Variants in LTBP1 observed in about 807,000 individuals in gnomAD.
LTBP1 encodes the protein latent-transforming growth factor beta-binding protein 1.
A neutral mutation model predicts 207.6 loss-of-function variants in LTBP1; 129 were observed. That is an observed-to-expected ratio of 0.62 (90% CI 0.54 to 0.72). LTBP1 has a LOEUF of 0.72. LTBP1 is among the 30% of genes least tolerant of loss of function. LTBP1 has a pLI of 0.00. For synonymous variants in LTBP1, 963 were observed against 833.7 expected (o/e 1.16, Z -2.67); for missense variants, 2,281 against 2,217.2 (o/e 1.03, Z -0.58).
intron 5 of LTBP1, among the ~76,000 whole-genome samples, chr2:33,158,698 G>T (rs1385300466): frequency 6.6e-6 from 1 of 152,310 alleles, no homozygotes; most frequent in South Asian, 2.1e-4. Context: ...TGATTCATAT[G>T]TATTACCCAG....
intron 31 of LTBP1, among the ~76,000 whole-genome samples, chr2:33,387,624 G>T (rs185550330): frequency 2.0e-5 from 3 of 152,134 alleles, no homozygotes; most frequent in Non-Finnish European, 4.4e-5. Context: ...GTGTGTGCAC[G>T]TGTGCACATG....
chr2:32,974,985 CT>C (rs1359441709), intron 2 of LTBP1, among the ~76,000 whole-genome samples: 3 of 152,174 alleles, frequency 2.0e-5, no homozygotes, highest in Non-Finnish European at 4.4e-5. Context: ...AGTCTGTGTA[CT>C]TAAGTGTGTT....
chr2:33,247,320 A>C (rs1053138344), intron 10 of LTBP1, among the ~76,000 whole-genome samples: 20 of 152,226 alleles, frequency 1.3e-4, no homozygotes, highest in African/African-American at 4.8e-4. Flanking sequence ...TGCTTATCTT[A>C]TACATTGGGA....
intron 9 of LTBP1, among the ~76,000 whole-genome samples, chr2:33,225,355 C>G (rs191657404): frequency 6.6e-6 from 1 of 152,326 alleles, no homozygotes; most frequent in African/African-American, 2.4e-5. Flanking sequence ...CGTTTTCACA[C>G]TGCTGAAAAA....
chr2:33,071,172 C>T (rs565640771), intron 3 of LTBP1, among the ~76,000 whole-genome samples: 2 of 152,242 alleles, frequency 1.3e-5, no homozygotes, highest in African/African-American at 4.8e-5. Context: ...AAGAGTGAGT[C>T]GTTCAGGCCA....
intron 7 of LTBP1, 53 bp from the exon 8 acceptor site, chr2:33,217,499 G>T: frequency 7.9e-7 from 1 of 1,260,804 alleles, no homozygotes; most frequent in South Asian, 1.2e-5. Flanking sequence ...GTGCTCTGGG[G>T]CTGGGCATCC....
chr2:33,196,003 G>T (rs949339056), intron 7 of LTBP1, among the ~76,000 whole-genome samples: 4 of 152,184 alleles, frequency 2.6e-5, no homozygotes, highest in African/African-American at 9.7e-5. Context: ...GCAATAAAGT[G>T]TTTTAAAATT....
chr2:33,296,667 A>G (rs1001315144), intron 20 of LTBP1, among the ~76,000 whole-genome samples: 3 of 152,200 alleles, frequency 2.0e-5, no homozygotes, highest in Non-Finnish European at 4.4e-5. Context: ...AGACAAGACA[A>G]CTAACAGCAA....
At chr2:33,127,947 T>A (rs186053656) in intron 4 of LTBP1, among the ~76,000 whole-genome samples, 1 of 152,234 alleles carries the variant, frequency 6.6e-6, no homozygotes, top group Admixed American at 6.5e-5. Context: ...CGAGGCTAGG[T>A]TGGACCTAGG....
intron 31 of LTBP1, among the ~76,000 whole-genome samples, chr2:33,374,674 G>T (rs1331344981): frequency 6.6e-6 from 1 of 152,282 alleles, no homozygotes; most frequent in Non-Finnish European, 1.5e-5. Context: ...AGGACTCTTG[G>T]CCCGGCACAG....
chr2:32,994,090 C>G (rs112201181), intron 2 of LTBP1, among the ~76,000 whole-genome samples: 86 of 151,912 alleles, frequency 5.7e-4, no homozygotes, highest in African/African-American at 2.0e-3. Flanking sequence ...TTGTAGTGCC[C>G]TCGTCATTTA....
intron 32 of LTBP1, among the ~76,000 whole-genome samples, chr2:33,391,745 T>G (rs1213802204): frequency 6.6e-6 from 1 of 152,242 alleles, no homozygotes; most frequent in Non-Finnish European, 1.5e-5. Flanking sequence ...GGAATTTTCA[T>G]GTTGAAATGT....
At chr2:33,240,954 A>G (rs2092300679) in intron 9 of LTBP1, among the ~76,000 whole-genome samples, 1 of 152,086 alleles carries the variant, frequency 6.6e-6, no homozygotes, top group African/African-American at 2.4e-5. Flanking sequence ...CCGGCCAGAA[A>G]CGTTCTTAAT....
chr2:33,102,850 T>C (rs1305620070), intron 3 of LTBP1, among the ~76,000 whole-genome samples: 1 of 152,216 alleles, frequency 6.6e-6, no homozygotes, highest in African/African-American at 2.4e-5. Flanking sequence ...CTGTATGCTG[T>C]ATGCACTGTC....
intron 3 of LTBP1, 123 bp downstream of exon 3, chr2:33,021,329 C>A: frequency 2.1e-6 from 2 of 939,692 alleles, no homozygotes; most frequent in Non-Finnish European, 3.1e-6. Flanking sequence ...TAATGTTTTT[C>A]TTTCCTTTCT....
rs187652671 is a variant in LTBP1, at chr2:33,368,776, T to C, written c.4711+3273T>C. ...CCTGTAGTCCTAGCTACTTGGGAGG[T>C]TGAGGTGGGAGGATGGCTTCAGCCC... On this transcript the variant is annotated intron_variant, in intron 31 of 33. Coordinates refer to ENST00000404816, the MANE Select transcript of LTBP1 (RefSeq NM_206943.4). Among the ~76,000 whole-genome samples, 334 of 151,206 alleles carry C rather than the reference T, an allele frequency of 2.2e-3. 2 individuals carry two copies. The highest frequency in any genetic ancestry group is 7.8e-3 in the African/African-American group (322 of 41,150).
intron 7 of LTBP1, among the ~76,000 whole-genome samples, chr2:33,210,830 C>T (rs978557189): frequency 4.6e-5 from 7 of 152,192 alleles, no homozygotes; most frequent in African/African-American, 1.7e-4. Context: ...TCTCTCTCCC[C>T]AGTAGAGCCA....
At chr2:33,232,375 G>A (rs975310312) in intron 9 of LTBP1, among the ~76,000 whole-genome samples, 6 of 152,186 alleles carry the variant, frequency 3.9e-5, no homozygotes, top group African/African-American at 7.2e-5. Context: ...CATCTTTGTC[G>A]ATGGAACACT....
At chr2:32,947,902 G>GC (rs1257701467) in intron 1 of LTBP1, 84 bp downstream of exon 1, 1 of 1,187,416 alleles carries the variant, frequency 8.4e-7, no homozygotes, top group Admixed American at 4.3e-5. Flanking sequence ...GCCACTCGGA[G>GC]CCCCGCGGTG....
Sources: gnomAD v4.1 joint callset for allele counts (sites outside exome capture counted in the v4.1 genomes callset) on GRCh38, gnomAD v4.1.1 for gene constraint, MANE v1.5 for transcripts, NCBI Gene and HGNC (gene_info 2026-07-23, HGNC 2026-07-21) for gene names.